CDH12: variants seen among roughly 807,000 people sequenced by gnomAD.
The protein encoded by CDH12 is cadherin 12, also known as cadherin-12.
Under a neutral mutation model 74.1 loss-of-function variants are expected in CDH12, and 41 were observed. The ratio of observed to expected loss-of-function variants is 0.55; its 90% confidence interval spans 0.43 to 0.72. The LOEUF (loss-of-function observed/expected upper bound fraction) is 0.72. Ranked by LOEUF, CDH12 falls within the 30% of genes least tolerant of loss-of-function variation. The probability of loss-of-function intolerance (pLI) is 0.00; values close to 1 mark genes in which losing one functional copy is unlikely to be tolerated. For missense variants in CDH12, 945 were observed against 977.2 expected (o/e 0.97, Z 0.44); for synonymous variants, 399 against 355.0 (o/e 1.12, Z -1.39).
At chr5:22,531,291 T>A (rs2126703668) in intron 1 of CDH12, among the ~76,000 whole-genome samples, 1 of 152,294 alleles carries the variant, frequency 6.6e-6, no homozygotes, top group East Asian at 1.9e-4. Flanking sequence ...TTTTCACAGA[T>A]GCCATAATAC....
At position 22,496,880 on chromosome 5, in the gene CDH12, G is replaced by A. The variant is rs116412563; in HGVS notation, c.-428+8390C>T. ...CCCATGCCCCCGAGCCTAGTTCTTGGATATCTATTCTCGTCTGAACTTGTT... is the reference window on the plus strand; with the variant it reads ...CCCATGCCCCCGAGCCTAGTTCTTGAATATCTATTCTCGTCTGAACTTGTT... On this transcript the variant is annotated intron_variant, in intron 2 of 14. Coordinates refer to ENST00000382254, the MANE Select transcript of CDH12 (RefSeq NM_004061.5). Among the ~76,000 whole-genome samples, 976 of 152,030 alleles carry A rather than the reference G, an allele frequency of 6.4e-3. 13 individuals carry two copies. Among genetic ancestry groups the A allele is most frequent in the African/African-American group, 0.022 (904 of 41,472 alleles).
chr5:22,387,255 A>C (rs1742037363), intron 3 of CDH12, among the ~76,000 whole-genome samples: 1 of 151,814 alleles, frequency 6.6e-6, no homozygotes, highest in South Asian at 2.1e-4. Flanking sequence ...GTACATTTAA[A>C]AACATTACAA....
chr5:22,285,763 A>G (rs1737108196), intron 3 of CDH12, among the ~76,000 whole-genome samples: 2 of 152,060 alleles, frequency 1.3e-5, no homozygotes. Context: ...CTTTTATTAT[A>G]TGCTGGAAAC....
chr5:22,126,617 T>C (rs371569747), intron 4 of CDH12, among the ~76,000 whole-genome samples: 1 of 152,258 alleles, frequency 6.6e-6, no homozygotes, highest in Admixed American at 6.5e-5. Context: ...TTTCTTGTTC[T>C]ATTCTATTTG....
intron 1 of CDH12, among the ~76,000 whole-genome samples, chr5:22,627,367 A>G (rs746016163): frequency 2.0e-5 from 3 of 151,762 alleles, no homozygotes; most frequent in African/African-American, 7.3e-5. Context: ...TACAAAAGGA[A>G]CCCATCAGGC....
intron 3 of CDH12, among the ~76,000 whole-genome samples, chr5:22,239,028 T>TA (rs1561246603): frequency 1.3e-5 from 2 of 152,194 alleles, no homozygotes; most frequent in Admixed American, 6.5e-5. Flanking sequence ...AAATGACATA[T>TA]AAGAATTTCT....
intron 6 of CDH12, among the ~76,000 whole-genome samples, chr5:21,914,443 T>C (rs747868752): frequency 6.6e-6 from 1 of 152,202 alleles, no homozygotes; most frequent in Admixed American, 6.5e-5. Flanking sequence ...ACAAGTCATA[T>C]GTATCCTGTA....
chr5:22,470,577 C>T (rs1463223961), intron 2 of CDH12, among the ~76,000 whole-genome samples: 1 of 151,858 alleles, frequency 6.6e-6, no homozygotes, highest in Non-Finnish European at 1.5e-5. Context: ...TGCCACCCTG[C>T]CTGGTTAAGT....
intron 6 of CDH12, among the ~76,000 whole-genome samples, chr5:21,964,905 A>T (rs182371221): frequency 0.013 from 1,994 of 152,132 alleles, 13 homozygotes; most frequent in African/African-American, 0.024. Flanking sequence ...AATAAGAAAT[A>T]TAGGTAGTAA....
intron 1 of CDH12, among the ~76,000 whole-genome samples, chr5:22,678,135 G>A (rs933680762): frequency 6.6e-6 from 1 of 151,714 alleles, no homozygotes; most frequent in Non-Finnish European, 1.5e-5. Context: ...ACAATCAGTA[G>A]GTATTTTGAC....
At chr5:22,067,883 C>G (rs183982058) in intron 5 of CDH12, among the ~76,000 whole-genome samples, 13 of 152,140 alleles carry the variant, frequency 8.5e-5, no homozygotes, top group African/African-American at 2.9e-4. Flanking sequence ...GAGGCTGAGG[C>G]AGAAGAATCG....
At chr5:21,817,507 G>C (rs1748124505) in intron 8 of CDH12, among the ~76,000 whole-genome samples, 1 of 151,764 alleles carries the variant, frequency 6.6e-6, no homozygotes, top group South Asian at 2.1e-4. Flanking sequence ...TAGATAAAAA[G>C]TTATAGATAC....
chr5:22,252,892 CT>C (rs1269706366), intron 3 of CDH12, among the ~76,000 whole-genome samples: 5 of 151,646 alleles, frequency 3.3e-5, no homozygotes, highest in African/African-American at 1.2e-4. Context: ...AACATGTATC[CT>C]TTTTTAGAAA....
intron 2 of CDH12, among the ~76,000 whole-genome samples, chr5:22,490,568 G>GA (rs138032527): frequency 1.1e-3 from 161 of 140,566 alleles, no homozygotes; most frequent in Middle Eastern, 3.8e-3. Context: ...AGATGAAAAT[G>GA]AAAAAAAAAA....
intron 1 of CDH12, among the ~76,000 whole-genome samples, chr5:22,826,082 C>A (rs894637394): frequency 1.3e-4 from 20 of 152,118 alleles, no homozygotes; most frequent in African/African-American, 4.8e-4. Context: ...CTCTCTGAGT[C>A]CCCACCCAAA....
At chr5:22,744,231 C>T (rs1173272403) in intron 1 of CDH12, among the ~76,000 whole-genome samples, 1 of 151,996 alleles carries the variant, frequency 6.6e-6, no homozygotes, top group Non-Finnish European at 1.5e-5. Flanking sequence ...AGATCAAGAC[C>T]ATCCTGGCTA....
chr5:22,811,160 T>TATAC (rs1554004997), intron 1 of CDH12, among the ~76,000 whole-genome samples: 6 of 151,700 alleles, frequency 4.0e-5, no homozygotes, highest in African/African-American at 1.2e-4. Flanking sequence ...CATATATATA[T>TATAC]ACACACACAC....
intron 4 of CDH12, among the ~76,000 whole-genome samples, chr5:22,206,215 C>G (rs1476811409): frequency 1.3e-5 from 2 of 152,072 alleles, no homozygotes; most frequent in Non-Finnish European, 2.9e-5. Flanking sequence ...CAGCATTTCT[C>G]ATCACCAGTA....
At chr5:22,829,054 A>G (rs1268232575) in intron 1 of CDH12, among the ~76,000 whole-genome samples, 1 of 152,198 alleles carries the variant, frequency 6.6e-6, no homozygotes, top group African/African-American at 2.4e-5. Context: ...TTTGATTCTC[A>G]TTATTGAATA....
Sources: allele counts gnomAD v4.1 joint callset (sites outside exome capture counted in the v4.1 genomes callset), GRCh38; gene constraint gnomAD v4.1.1; transcripts MANE v1.5; gene names NCBI Gene and HGNC (gene_info 2026-07-23, HGNC 2026-07-21).